Variants in DPYD observed in about 807,000 individuals in gnomAD.
The protein encoded by DPYD is dihydropyrimidine dehydrogenase [NADP(+)].
A neutral mutation model predicts 116.2 loss-of-function variants in DPYD; 109 were observed. The ratio of observed to expected loss-of-function variants is 0.94; its 90% CI spans 0.80 to 1.10. The LOEUF is 1.10. Ranked by LOEUF, DPYD falls within the 50% of genes least tolerant of loss-of-function variation. The pLI is 0.00. For synonymous variants in DPYD, 440 were observed against 432.0 expected (o/e 1.02, Z -0.23); for missense variants, 1,302 against 1,254.5 (o/e 1.04, Z -0.57).
In DPYD at chr1:97,762,450, C is replaced by T. The variant is rs145821804; in HGVS notation, c.234-21971G>A. Among the ~76,000 whole-genome samples, 20 of 152,198 alleles carry T rather than the reference C, an allele frequency of 1.3e-4. No individual in the cohort carries two copies. In the East Asian group the frequency reaches 2.1e-3, roughly 16 times the overall value. Reference sequence around the variant, plus strand: ...TGAGTAGCAGGTTATTGTCATAGTCCTGCCAAGGAATGATAAAGTCATGAA... The same window carrying T: ...TGAGTAGCAGGTTATTGTCATAGTCTTGCCAAGGAATGATAAAGTCATGAA... On this transcript the variant is annotated intron_variant, in intron 3 of 22. Coordinates refer to ENST00000370192, the MANE Select transcript of DPYD (RefSeq NM_000110.4).
chr1:97,187,824 A>G (rs1052582909), intron 20 of DPYD, among the ~76,000 whole-genome samples: 5 of 152,126 alleles, frequency 3.3e-5, no homozygotes. Flanking sequence ...TTATTGAAAA[A>G]GGTGTCCTTG....
intron 15 of DPYD, 137 bp from the exon 16 acceptor site, chr1:97,373,781 T>C (rs1671435792): frequency 6.9e-6 from 5 of 729,106 alleles, no homozygotes; most frequent in Non-Finnish European, 1.2e-5. Flanking sequence ...TCTTGTGAGG[T>C]ATAGTCTCTC....
At chr1:97,397,186 C>A (rs1205743052) in intron 14 of DPYD, among the ~76,000 whole-genome samples, 1 of 151,920 alleles carries the variant, frequency 6.6e-6, no homozygotes, top group African/African-American at 2.4e-5. Flanking sequence ...TTGCTACAAG[C>A]AAAAGTGCAT....
intron 10 of DPYD, among the ~76,000 whole-genome samples, chr1:97,577,797 G>T (rs1271675920): frequency 1.3e-5 from 2 of 151,804 alleles, no homozygotes; most frequent in South Asian, 2.1e-4. Flanking sequence ...CTTGTTATAA[G>T]TATTGTCTTA....
chr1:97,568,798 C>A (rs912219339), intron 11 of DPYD, among the ~76,000 whole-genome samples: 5 of 152,014 alleles, frequency 3.3e-5, no homozygotes, highest in African/African-American at 7.2e-5. Context: ...AAGTCAAATG[C>A]ACAAATATTT....
intron 12 of DPYD, among the ~76,000 whole-genome samples, chr1:97,549,061 T>G (rs1417712195): frequency 6.6e-6 from 1 of 151,876 alleles, no homozygotes; most frequent in Non-Finnish European, 1.5e-5. Flanking sequence ...CATGATAAAT[T>G]TTCTTTCTTA....
chr1:97,263,750 A>G (rs905377585), intron 18 of DPYD, among the ~76,000 whole-genome samples: 2 of 152,114 alleles, frequency 1.3e-5, no homozygotes. Flanking sequence ...TTAGATATCA[A>G]TTAATTGGAC....
intron 20 of DPYD, among the ~76,000 whole-genome samples, chr1:97,126,353 T>C (rs1376320781): frequency 6.6e-6 from 1 of 152,172 alleles, no homozygotes; most frequent in Non-Finnish European, 1.5e-5. Flanking sequence ...CTCTGGATCT[T>C]AACAAAGCAA....
At chr1:97,800,658 C>T (rs1667802038) in intron 3 of DPYD, among the ~76,000 whole-genome samples, 1 of 151,900 alleles carries the variant, frequency 6.6e-6, no homozygotes, top group Non-Finnish European at 1.5e-5. Context: ...TCAAGTGGCA[C>T]TCCCAAATAG....
chr1:97,772,054 ATCTT>A (rs1666171270), intron 3 of DPYD, among the ~76,000 whole-genome samples: 1 of 152,318 alleles, frequency 6.6e-6, no homozygotes, highest in Admixed American at 6.5e-5. Flanking sequence ...TAAAAGATAA[ATCTT>A]TATTTATCAA....
chr1:97,746,997 T>C (rs1317656966), intron 3 of DPYD, among the ~76,000 whole-genome samples: 1 of 151,784 alleles, frequency 6.6e-6, no homozygotes, highest in Non-Finnish European at 1.5e-5. Context: ...AATTATGGGA[T>C]TGAATGAAAT....
intron 14 of DPYD, among the ~76,000 whole-genome samples, chr1:97,397,702 C>T (rs76012985): frequency 0.039 from 5,955 of 152,012 alleles, 150 homozygotes; most frequent in South Asian, 0.064. Flanking sequence ...GATATTTATA[C>T]CATTTTAGCA....
intron 13 of DPYD, among the ~76,000 whole-genome samples, chr1:97,501,085 T>C (rs566557536): frequency 6.6e-6 from 1 of 152,166 alleles, no homozygotes; most frequent in Admixed American, 6.6e-5. Flanking sequence ...CGACCATGTT[T>C]CTAGCACTCT....
chr1:97,241,022 AT>A (rs1211296684), intron 18 of DPYD, among the ~76,000 whole-genome samples: 1 of 152,010 alleles, frequency 6.6e-6, no homozygotes, highest in Non-Finnish European at 1.5e-5. Context: ...AATAAAGTTG[AT>A]TATTTGATGT....
intron 3 of DPYD, among the ~76,000 whole-genome samples, chr1:97,818,053 AAG>A (rs992263699): frequency 6.6e-6 from 1 of 152,052 alleles, no homozygotes; most frequent in African/African-American, 2.4e-5. Context: ...TTTTGATACT[AAG>A]GGGAAAATGC....
chr1:97,223,369 C>A (rs186360217), intron 19 of DPYD, among the ~76,000 whole-genome samples: 2 of 144,476 alleles, frequency 1.4e-5, no homozygotes, highest in African/African-American at 5.1e-5. Context: ...GACAAACCCA[C>A]GCAGAAAAGA....
At chr1:97,557,425 C>T (rs1240096383) in intron 11 of DPYD, among the ~76,000 whole-genome samples, 1 of 148,790 alleles carries the variant, frequency 6.7e-6, no homozygotes, top group Non-Finnish European at 1.5e-5. Flanking sequence ...AAGTGATTCT[C>T]GTGCTTCAGC....
intron 11 of DPYD, among the ~76,000 whole-genome samples, chr1:97,571,616 T>C (rs1652899021): frequency 6.6e-6 from 1 of 151,928 alleles, no homozygotes; most frequent in East Asian, 1.9e-4. Flanking sequence ...GTATCACATA[T>C]GTGATAATCA....
chr1:97,746,540 C>T (rs1243284817), intron 3 of DPYD, among the ~76,000 whole-genome samples: 2 of 152,068 alleles, frequency 1.3e-5, no homozygotes, highest in Admixed American at 6.6e-5. Flanking sequence ...AAGACTGTTG[C>T]TCTTAAACGT....
Sources: allele counts gnomAD v4.1 joint callset (sites outside exome capture counted in the v4.1 genomes callset), GRCh38; gene constraint gnomAD v4.1.1; transcripts MANE v1.5; gene names NCBI Gene and HGNC (gene_info 2026-07-23, HGNC 2026-07-21).